The following BANK1 variants were observed in gnomAD, a reference collection of about 807,000 sequenced individuals.
The protein encoded by BANK1 is B cell scaffold protein with ankyrin repeats 1.
BANK1 carries 95 observed loss-of-function variants against 94.5 expected under a neutral mutation model. The ratio of observed to expected loss-of-function variants is 1.00; its 90% CI spans 0.85 to 1.19. The LOEUF (loss-of-function observed/expected upper bound fraction) is 1.19. Among genes scored for constraint, BANK1 ranks in the 50% most tolerant of loss-of-function variants. BANK1 has a pLI of 0.00. For missense variants in BANK1, 987 were observed against 932.2 expected (o/e 1.06, Z -0.77); for synonymous variants, 334 against 308.4 (o/e 1.08, Z -0.87).
intron 7 of BANK1, among the ~76,000 whole-genome samples, chr4:101,933,975 C>CA (rs1483125271): frequency 1.3e-5 from 2 of 151,352 alleles, no homozygotes; most frequent in South Asian, 2.1e-4. Context: ...AACAGACAAA[C>CA]AAAAAACCCT....
At chr4:102,057,229 T>G (rs918643582) in intron 11 of BANK1, among the ~76,000 whole-genome samples, 2 of 151,918 alleles carry the variant, frequency 1.3e-5, no homozygotes, top group Non-Finnish European at 2.9e-5. Flanking sequence ...TCGCTCTCTC[T>G]CTCTCTCTCT....
chr4:101,837,229 A>G (rs568758297), intron 2 of BANK1, among the ~76,000 whole-genome samples: 47 of 152,228 alleles, frequency 3.1e-4, no homozygotes, highest in Non-Finnish European at 6.0e-4. Context: ...ATAATTTAGT[A>G]TATTTAGGAC....
chr4:101,882,193 T>C (rs1728702338), intron 5 of BANK1, among the ~76,000 whole-genome samples: 1 of 152,046 alleles, frequency 6.6e-6, no homozygotes, highest in Non-Finnish European at 1.5e-5. Context: ...CCCATAAATA[T>C]ATATACCTAA....
chr4:101,930,218 A>G (rs892641553), intron 7 of BANK1, among the ~76,000 whole-genome samples: 1 of 151,224 alleles, frequency 6.6e-6, no homozygotes, highest in African/African-American at 2.4e-5. Context: ...ACTATCTCTG[A>G]GTAGATGCTC....
intron 7 of BANK1, among the ~76,000 whole-genome samples, chr4:101,975,041 T>C (rs929092246): frequency 3.3e-5 from 5 of 152,174 alleles, no homozygotes; most frequent in South Asian, 2.1e-4. Flanking sequence ...GGCTTCCCAA[T>C]TGCTTAACAA....
intron 1 of BANK1, among the ~76,000 whole-genome samples, chr4:101,797,958 G>A (rs571427505): frequency 7.2e-5 from 11 of 152,292 alleles, no homozygotes; most frequent in African/African-American, 1.9e-4. Context: ...AAACATTTCA[G>A]TGTTGGTAGA....
rs146583900 is a variant in BANK1, at chr4:102,041,256, G to A, written c.1901-2583G>A. Among the ~76,000 whole-genome samples the A allele has an allele frequency of 2.0e-5, 3 of 152,118 alleles. No homozygotes were observed. The East Asian group carries it at 5.8e-4, about 29-fold the overall frequency. On this transcript the variant is annotated intron_variant, in intron 10 of 16. Coordinates refer to ENST00000322953, the MANE Select transcript of BANK1 (RefSeq NM_017935.5). Reference sequence around the variant, plus strand: ...AGTTGAAGCAATTTTAAATGTTTCAGCTAATAGGAACTATAAAGATAGAAA... The same window carrying A: ...AGTTGAAGCAATTTTAAATGTTTCAACTAATAGGAACTATAAAGATAGAAA...
At chr4:101,840,968 A>G (rs889676547) in intron 2 of BANK1, among the ~76,000 whole-genome samples, 4 of 152,184 alleles carry the variant, frequency 2.6e-5, no homozygotes, top group Non-Finnish European at 4.4e-5. Flanking sequence ...CTAGGACCAC[A>G]GGCATGCGCC....
At chr4:101,926,660 G>A (rs1723161932) in intron 7 of BANK1, among the ~76,000 whole-genome samples, 1 of 151,706 alleles carries the variant, frequency 6.6e-6, no homozygotes, top group Non-Finnish European at 1.5e-5. Context: ...TTAAGGCCAG[G>A]AAGAAATAGA....
intron 2 of BANK1, among the ~76,000 whole-genome samples, chr4:101,839,099 G>T (rs1055622155): frequency 6.6e-6 from 1 of 152,270 alleles, no homozygotes; most frequent in Admixed American, 6.5e-5. Flanking sequence ...GACATTTTAT[G>T]ATATCACCAA....
intron 1 of BANK1, among the ~76,000 whole-genome samples, chr4:101,814,121 A>G (rs1466874331): frequency 1.3e-5 from 2 of 152,192 alleles, no homozygotes; most frequent in Non-Finnish European, 2.9e-5. Context: ...GAAAGATATT[A>G]GTGTCACTGT....
chr4:102,014,544 C>T (rs563585493), intron 7 of BANK1, among the ~76,000 whole-genome samples: 2 of 152,234 alleles, frequency 1.3e-5, no homozygotes, highest in African/African-American at 4.8e-5. Flanking sequence ...CTCTCTATTG[C>T]ACTATTTAGT....
At chr4:101,851,049 T>A (rs543346319) in intron 2 of BANK1, among the ~76,000 whole-genome samples, 4 of 152,226 alleles carry the variant, frequency 2.6e-5, no homozygotes, top group African/African-American at 9.6e-5. Context: ...AATAAAAAGC[T>A]AAAAATAATT....
Position 102,073,902 on chromosome 4 carries a change from C to A in BANK1, c.*6-103C>A, listed in dbSNP as rs192916465. ...GTATTTTTCAAGCTAAAGGTGATTG[C>A]TCTGTAGAAAGATTTATGTACAGGG... is the stretch of plus-strand genomic sequence containing the variant. On this transcript the variant is annotated intron_variant, in intron 16 of 16. Coordinates refer to ENST00000322953, the MANE Select transcript of BANK1 (RefSeq NM_017935.5). The A allele has an allele frequency of 1.4e-5, 8 of 568,332 alleles. 1 individual carries two copies. The Admixed American group carries it at 2.8e-4, about 20-fold the overall frequency. The allele number at this position is 568,332 out of a possible 1,614,324, so 35.2% of individuals were successfully genotyped here.
chr4:102,034,466 C>G (rs1727432647), intron 10 of BANK1, among the ~76,000 whole-genome samples: 1 of 151,974 alleles, frequency 6.6e-6, no homozygotes, highest in South Asian at 2.1e-4. Context: ...TAGAAAATAC[C>G]CAGCACAATA....
chr4:101,923,150 C>A (rs1207685146), intron 7 of BANK1, among the ~76,000 whole-genome samples: 2 of 151,596 alleles, frequency 1.3e-5, no homozygotes, highest in Admixed American at 6.6e-5. Context: ...ATATAGAAGA[C>A]CCACAAAAAA....
At chr4:101,904,940 A>C (rs1450040644) in intron 6 of BANK1, among the ~76,000 whole-genome samples, 1 of 152,174 alleles carries the variant, frequency 6.6e-6, no homozygotes, top group East Asian at 1.9e-4. Flanking sequence ...TCTTTCCCTG[A>C]ATAGTTATTT....
chr4:101,995,736 A>G (rs1194089959), intron 7 of BANK1, among the ~76,000 whole-genome samples: 1 of 152,198 alleles, frequency 6.6e-6, no homozygotes, highest in African/African-American at 2.4e-5. Flanking sequence ...GGCCACATAA[A>G]TGTCTTCCTT....
chr4:102,026,211 A>T (rs1168646557), intron 9 of BANK1, among the ~76,000 whole-genome samples: 1 of 152,200 alleles, frequency 6.6e-6, no homozygotes, highest in Admixed American at 6.5e-5. Flanking sequence ...CATTAGGTTT[A>T]TCTGCCTGGA....
Sources: gnomAD v4.1 joint callset for allele counts (sites outside exome capture counted in the v4.1 genomes callset) on GRCh38, gnomAD v4.1.1 for gene constraint, MANE v1.5 for transcripts, NCBI Gene and HGNC (gene_info 2026-07-23, HGNC 2026-07-21) for gene names.